AFG2A: variants seen among roughly 807,000 people sequenced by gnomAD.
AFG2A encodes the protein AAA ATPase AFG2A, also known as ATPase family gene 2 protein homolog A.
At chr4:123,270,590 T>C in the AFG2A span, among the ~76,000 whole-genome samples, 4 of 151,716 alleles carry the variant, frequency 2.6e-5, no homozygotes, top group Non-Finnish European at 5.9e-5. Flanking sequence ...AGCGAAATAA[T>C]GCAAAAAACA....
At chr4:123,048,280 A>G in the AFG2A span, among the ~76,000 whole-genome samples, 1 of 152,258 alleles carries the variant, frequency 6.6e-6, no homozygotes, top group Admixed American at 6.5e-5. Flanking sequence ...TATAATTTAA[A>G]ATAACTTTGT....
the AFG2A span, among the ~76,000 whole-genome samples, chr4:123,174,678 C>T: frequency 6.6e-6 from 1 of 151,772 alleles, no homozygotes; most frequent in Non-Finnish European, 1.5e-5. Context: ...GACTGGTTTA[C>T]AAAATTTTAA....
chr4:123,136,248 T>A, the AFG2A span, among the ~76,000 whole-genome samples: 1 of 152,314 alleles, frequency 6.6e-6, no homozygotes, highest in Admixed American at 6.5e-5. Context: ...GAAGGTAGTC[T>A]GTTGGCCGGG....
the AFG2A span, among the ~76,000 whole-genome samples, chr4:123,169,277 A>G: frequency 6.6e-6 from 1 of 152,218 alleles, no homozygotes; most frequent in Admixed American, 6.5e-5. Flanking sequence ...GTAAATTCTT[A>G]GTAAATTATG....
At chr4:123,267,743 A>T in the AFG2A span, among the ~76,000 whole-genome samples, 3 of 152,090 alleles carry the variant, frequency 2.0e-5, no homozygotes, top group Non-Finnish European at 4.4e-5. Context: ...AAAAGATTTC[A>T]TTATAATAAC....
the AFG2A span, among the ~76,000 whole-genome samples, chr4:123,290,802 C>T: frequency 0.52 from 78,991 of 152,084 alleles, 24,839 homozygotes; most frequent in Non-Finnish European, 0.67. Context: ...GGGTTCCTCC[C>T]ACAACACAAG....
At chr4:122,956,684 G>A in the AFG2A span, among the ~76,000 whole-genome samples, 1 of 152,170 alleles carries the variant, frequency 6.6e-6, no homozygotes, top group Non-Finnish European at 1.5e-5. Flanking sequence ...AGGCTGGAGT[G>A]CAGTGGCGTG....
chr4:123,294,229 G>A, the AFG2A span, among the ~76,000 whole-genome samples: 11 of 152,206 alleles, frequency 7.2e-5, no homozygotes, highest in African/African-American at 1.9e-4. Context: ...TGGCAGGGGA[G>A]CGACATAAAC....
the AFG2A span, among the ~76,000 whole-genome samples, chr4:122,926,227 A>G: frequency 1.3e-5 from 2 of 152,218 alleles, no homozygotes; most frequent in African/African-American, 2.4e-5. Context: ...GAAGAAAACT[A>G]AAGTCTTGGG....
At chr4:123,129,721 C>T in the AFG2A span, among the ~76,000 whole-genome samples, 985 of 152,252 alleles carry the variant, frequency 6.5e-3, 6 homozygotes, top group Non-Finnish European at 8.5e-3. Flanking sequence ...GGGCACGGGA[C>T]CCATCTTCTC....
At chr4:123,197,568 G>C in the AFG2A span, among the ~76,000 whole-genome samples, 2 of 151,978 alleles carry the variant, frequency 1.3e-5, no homozygotes, top group Non-Finnish European at 2.9e-5. Flanking sequence ...AGGAGTTCGA[G>C]ACCAGCCTGG....
the AFG2A span, among the ~76,000 whole-genome samples, chr4:123,158,146 T>C: frequency 9.9e-5 from 15 of 152,196 alleles, no homozygotes; most frequent in African/African-American, 3.4e-4. Flanking sequence ...AAAAATAGAT[T>C]GAAATCACTG....
the AFG2A span, among the ~76,000 whole-genome samples, chr4:123,294,863 A>G: frequency 1.3e-5 from 2 of 152,258 alleles, no homozygotes; most frequent in African/African-American, 2.4e-5. Context: ...TCTATGGCAT[A>G]TAAGTATATG....
the AFG2A span, among the ~76,000 whole-genome samples, chr4:123,091,924 C>T: frequency 6.6e-6 from 1 of 152,154 alleles, no homozygotes; most frequent in South Asian, 2.1e-4. Flanking sequence ...TGTACATATA[C>T]ACATTCTTTC....
At chr4:123,120,544 T>TA in the AFG2A span, among the ~76,000 whole-genome samples, 3 of 152,212 alleles carry the variant, frequency 2.0e-5, no homozygotes, top group Non-Finnish European at 4.4e-5. Flanking sequence ...TGAGGGTTGT[T>TA]ACTGCAGTCA....
the AFG2A span, among the ~76,000 whole-genome samples, chr4:122,940,611 T>G: frequency 1.3e-5 from 2 of 152,256 alleles, no homozygotes; most frequent in Non-Finnish European, 2.9e-5. Context: ...TAGTTTCTTT[T>G]GCTGTGCAGA....
chr4:123,266,392 A>G, the AFG2A span, among the ~76,000 whole-genome samples: 1,394 of 152,088 alleles, frequency 9.2e-3, 26 homozygotes, highest in South Asian at 0.086. Context: ...TAAGCATATA[A>G]CAAGTGCTCA....
At chr4:123,248,638 T>C in the AFG2A span, among the ~76,000 whole-genome samples, 1 of 152,180 alleles carries the variant, frequency 6.6e-6, no homozygotes, top group East Asian at 1.9e-4. Flanking sequence ...GGGTTATGAA[T>C]TGAGCATTTC....
chr4:123,273,282 C>T, the AFG2A span, among the ~76,000 whole-genome samples: 2,984 of 152,090 alleles, frequency 0.02, 93 homozygotes, highest in African/African-American at 0.062. Context: ...AAAGTCTGAT[C>T]CCTCTTTTTA....
Sources: allele counts gnomAD v4.1 joint callset (sites outside exome capture counted in the v4.1 genomes callset), GRCh38; gene constraint gnomAD v4.1.1; transcripts MANE v1.5; gene names NCBI Gene and HGNC (gene_info 2026-07-23, HGNC 2026-07-21).